Variants in AFF3 observed in about 807,000 individuals in gnomAD.
AFF3 encodes the protein AF4/FMR2 family member 3.
In AFF3, 32 loss-of-function variants were observed where a neutral mutation model predicts 129.7. The observed-to-expected ratio is 0.25, with a 90% CI of 0.19 to 0.33. AFF3 has a LOEUF of 0.33. Among genes scored for constraint, AFF3 ranks in the 10% least tolerant of loss-of-function variants. The pLI is 1.00. For missense variants in AFF3, 1,373 were observed against 1,592.0 expected (o/e 0.86, Z 2.34); for synonymous variants, 644 against 635.4 (o/e 1.01, Z -0.20).
chr2:99,824,531 G>T (rs765062583), intron 8 of AFF3, among the ~76,000 whole-genome samples: 48 of 152,254 alleles, frequency 3.2e-4, no homozygotes, highest in Non-Finnish European at 5.9e-4. Flanking sequence ...AATAAAGAAT[G>T]AACTGCCCAT....
chr2:100,136,051 A>G (rs528144280), intron 1 of AFF3, among the ~76,000 whole-genome samples: 2 of 152,304 alleles, frequency 1.3e-5, no homozygotes, highest in African/African-American at 4.8e-5. Context: ...GATGTGAGAA[A>G]ACTGTGGGAG....
At chr2:99,849,426 G>A (rs148334986) in intron 7 of AFF3, among the ~76,000 whole-genome samples, 1 of 152,268 alleles carries the variant, frequency 6.6e-6, no homozygotes, top group East Asian at 1.9e-4. Context: ...GGCGCAGTAG[G>A]CAGGAACATG....
intron 7 of AFF3, among the ~76,000 whole-genome samples, chr2:99,971,193 T>C (rs535747506): frequency 6.6e-6 from 1 of 152,286 alleles, no homozygotes; most frequent in South Asian, 2.1e-4. Flanking sequence ...CTGATGTGTC[T>C]CACAAGCCCA....
intron 4 of AFF3, among the ~76,000 whole-genome samples, chr2:100,066,684 G>A (rs753958935): frequency 3.3e-5 from 5 of 152,122 alleles, no homozygotes; most frequent in Non-Finnish European, 7.4e-5. Context: ...AATACAACCT[G>A]AGTAGTGCAT....
In AFF3 at chr2:99,824,178, C is replaced by T. The variant is rs548595103; in HGVS notation, c.921+13299G>A. 1.3e-4 allele frequency among the ~76,000 whole-genome samples: 19 copies of T among 151,412 alleles called. No homozygotes were observed. In the South Asian group the frequency reaches 3.3e-3, roughly 27 times the overall value. ...TTGCCCAGGCTGGAGTGCAGTGGTG[C>T]GATCTCGGCTCGCCGCAACCTCCAC... On this transcript the variant is annotated intron_variant, in intron 8 of 24. Coordinates refer to ENST00000672756, the MANE Select transcript of AFF3 (RefSeq NM_001386135.1).
intron 7 of AFF3, among the ~76,000 whole-genome samples, chr2:99,920,315 T>G (rs1695766766): frequency 6.6e-6 from 1 of 151,820 alleles, no homozygotes; most frequent in African/African-American, 2.4e-5. Context: ...CAAAACATTA[T>G]CATCTAGAAA....
rs375264560 is a variant in AFF3, at chr2:99,861,743, G to A, written c.874-24219C>T. On this transcript the variant is annotated intron_variant, in intron 7 of 24. Transcript: ENST00000672756. ...AAATAAATATTTGTGTACCCAAACA[G>A]CGTAAGGTACAAAGTTATAACAATA... 2.2e-4 allele frequency among the ~76,000 whole-genome samples: 34 copies of A among 152,256 alleles called. No individual in the cohort carries two copies. The South Asian group carries it at 6.8e-3, about 31-fold the overall frequency.
At chr2:99,888,631 C>T (rs947277372) in intron 7 of AFF3, among the ~76,000 whole-genome samples, 1 of 152,086 alleles carries the variant, frequency 6.6e-6, no homozygotes, top group Non-Finnish European at 1.5e-5. Flanking sequence ...ACATTTAACT[C>T]GATGTGACTT....
At chr2:99,695,765 A>G (rs1236040523) in intron 11 of AFF3, among the ~76,000 whole-genome samples, 2 of 152,112 alleles carry the variant, frequency 1.3e-5, no homozygotes, top group African/African-American at 2.4e-5. Context: ...TTTGTAATGT[A>G]TAATTCTGAG....
chr2:99,777,085 C>T (rs899238780), intron 8 of AFF3, among the ~76,000 whole-genome samples: 1 of 152,204 alleles, frequency 6.6e-6, no homozygotes, highest in African/African-American at 2.4e-5. Flanking sequence ...AAATGAGGGA[C>T]AGGCGGTGAT....
chr2:99,837,348 G>T, intron 8 of AFF3, 129 bp downstream of exon 8: 2 of 862,446 alleles, frequency 2.3e-6, no homozygotes, highest in Non-Finnish European at 3.6e-6. Flanking sequence ...AAACTTATGT[G>T]ACTACTCTCA....
At chr2:99,728,473 A>G (rs966915571) in intron 10 of AFF3, among the ~76,000 whole-genome samples, 2 of 152,228 alleles carry the variant, frequency 1.3e-5, no homozygotes, top group African/African-American at 4.8e-5. Flanking sequence ...ACCTAGTCCC[A>G]GGAATGACTC....
rs923519821 is a variant in AFF3, at chr2:99,994,675, G to A, written c.873+11957C>T. On this transcript the variant is annotated intron_variant, in intron 7 of 24. Coordinates refer to ENST00000672756, the MANE Select transcript of AFF3 (RefSeq NM_001386135.1). Reference sequence around the variant, plus strand: ...GAAAAGGATATTACTCCAGGCATACGCAAAGACAGAAAGGTATGAAAGAAA... The same window carrying A: ...GAAAAGGATATTACTCCAGGCATACACAAAGACAGAAAGGTATGAAAGAAA... Among the ~76,000 whole-genome samples, 5 of 152,250 alleles carry A rather than the reference G, an allele frequency of 3.3e-5. No individual in the cohort carries two copies. The East Asian group carries it at 5.8e-4, about 18-fold the overall frequency.
intron 9 of AFF3, among the ~76,000 whole-genome samples, chr2:99,750,022 A>G (rs1344941344): frequency 6.6e-6 from 1 of 152,214 alleles, no homozygotes; most frequent in Non-Finnish European, 1.5e-5. Context: ...ATCCACAACT[A>G]AAACAAAGTA....
At chr2:100,079,385 A>G (rs546309961) in intron 4 of AFF3, among the ~76,000 whole-genome samples, 112 of 152,370 alleles carry the variant, frequency 7.4e-4, no homozygotes, top group African/African-American at 2.6e-3. Context: ...TTAATTAATT[A>G]GTTAAAGCCA....
chr2:99,990,560 C>T (rs1459279550), intron 7 of AFF3, among the ~76,000 whole-genome samples: 1 of 151,902 alleles, frequency 6.6e-6, no homozygotes, highest in Non-Finnish European at 1.5e-5. Flanking sequence ...CTACATCCTG[C>T]AAGGATTGGG....
rs1411983153 is a variant in AFF3, at chr2:99,593,579, C to T, written c.2082G>A (p.Gln694=). Residue 694 remains glutamine, a synonymous_variant, in exon 15 of 25, where the codon CAG becomes CAA. Coordinates refer to ENST00000672756, the MANE Select transcript of AFF3 (RefSeq NM_001386135.1). Reference sequence around the variant, plus strand: ...CGGAGGAGGCAGAGGCAGCCACGGTCTGTGCTTTGGACAGAGGGTACTCCT... The same window carrying T: ...CGGAGGAGGCAGAGGCAGCCACGGTTTGTGCTTTGGACAGAGGGTACTCCT... The part of the protein sequence containing the change: ...EQEEYPLSKA[Q]TVAASASSGN... 7 of 1,613,042 alleles carry T rather than the reference C, an allele frequency of 4.3e-6. No individual in the cohort carries two copies. In the Admixed American group the frequency reaches 6.7e-5, roughly 15 times the overall value.
chr2:99,715,258 A>G (rs1678270024), intron 11 of AFF3, among the ~76,000 whole-genome samples: 1 of 152,186 alleles, frequency 6.6e-6, no homozygotes, highest in Admixed American at 6.5e-5. Context: ...TTTTGTTTTT[A>G]CCACCCTTAA....
intron 10 of AFF3, among the ~76,000 whole-genome samples, chr2:99,743,048 A>G (rs963059786): frequency 1.3e-5 from 2 of 152,130 alleles, no homozygotes; most frequent in Non-Finnish European, 2.9e-5. Context: ...GACTTAACCA[A>G]GTGTTTCTTC....
Sources: allele counts gnomAD v4.1 joint callset (sites outside exome capture counted in the v4.1 genomes callset), GRCh38; gene constraint gnomAD v4.1.1; transcripts MANE v1.5; gene names NCBI Gene and HGNC (gene_info 2026-07-23, HGNC 2026-07-21).